The following SCGB2B2 variants were observed in gnomAD, a reference collection of about 807,000 sequenced individuals.
SCGB2B2 encodes the protein secretoglobin family 2B member 2, also known as secretoglobin-like protein.
Under a neutral mutation model 7.6 loss-of-function variants are expected in SCGB2B2, and 11 were observed. The ratio of observed to expected loss-of-function variants is 1.45; its 90% CI spans 0.91 to 2.40. The LOEUF (loss-of-function observed/expected upper bound fraction) is 2.40, where lower values mean the gene tolerates loss of function less well. Among genes scored for constraint, SCGB2B2 ranks in the 30% most tolerant of loss-of-function variants. The pLI is 0.00. For missense variants in SCGB2B2, 104 were observed against 115.4 expected (o/e 0.90, Z 0.45); for synonymous variants, 50 against 48.6 (o/e 1.03, Z -0.12).
intron 1 of SCGB2B2, among the ~76,000 whole-genome samples, chr19:34,674,593 C>T (rs2067877106): frequency 1.3e-5 from 2 of 152,082 alleles, no homozygotes; most frequent in African/African-American, 4.8e-5. Context: ...GAATGCAACA[C>T]AGAGATTGAA....
chr19:34,605,751 C>T (rs113122751), intron 1 of SCGB2B2, among the ~76,000 whole-genome samples: 12,949 of 152,018 alleles, frequency 0.085, 698 homozygotes, highest in East Asian at 0.28. Context: ...CCATGTCTGG[C>T]TAATTTTTTT....
At chr19:34,617,649 C>T (rs1385716122) in intron 1 of SCGB2B2, among the ~76,000 whole-genome samples, 6 of 152,184 alleles carry the variant, frequency 3.9e-5, no homozygotes, top group Admixed American at 2.0e-4. Context: ...AATTTGACTT[C>T]CTCTTTTCCT....
intron 1 of SCGB2B2, among the ~76,000 whole-genome samples, chr19:34,603,948 T>G (rs181453471): frequency 1.5e-3 from 226 of 152,148 alleles, no homozygotes; most frequent in African/African-American, 5.2e-3. Flanking sequence ...TACTCTTATT[T>G]TATATGGCTG....
At chr19:34,642,790 C>A (rs577853293) in intron 1 of SCGB2B2, among the ~76,000 whole-genome samples, 129 of 145,318 alleles carry the variant, frequency 8.9e-4, no homozygotes, top group Admixed American at 3.0e-3. Flanking sequence ...ATACAAATGA[C>A]CAACACGTAT....
At position 34,668,388 on chromosome 19, in the gene SCGB2B2, G is replaced by A. The variant is rs370909572; in HGVS notation, c.-2032+7242C>T. Among the ~76,000 whole-genome samples, 3 of 152,208 alleles carry A rather than the reference G, an allele frequency of 2.0e-5. No homozygotes were observed. In the East Asian group the frequency reaches 5.8e-4, roughly 29 times the overall value. ...CGCCGGGCCTTAGCTGCCTTCCGGC[G>A]GGGCAGGGCTCGGTACCTGCAGCCT... is the stretch of plus-strand genomic sequence containing the variant. On this transcript the variant is annotated intron_variant, in intron 1 of 3. Coordinates refer to ENST00000601241, the MANE Select transcript of SCGB2B2 (RefSeq NM_001025591.4).
chr19:34,588,647 C>T (rs894479806), downstream of SCGB2B2, among the ~76,000 whole-genome samples: 15 of 152,232 alleles, frequency 9.9e-5, no homozygotes, highest in African/African-American at 2.7e-4. Flanking sequence ...CTCCATCTCC[C>T]GCTCCAGTCC....
intron 1 of SCGB2B2, among the ~76,000 whole-genome samples, chr19:34,613,839 CT>C (rs1352974820): frequency 6.6e-6 from 1 of 152,116 alleles, no homozygotes; most frequent in Non-Finnish European, 1.5e-5. Context: ...CTTAGAGTTT[CT>C]TTTGTGGAAA....
chr19:34,607,182 G>A (rs1317317844), intron 1 of SCGB2B2, among the ~76,000 whole-genome samples: 1 of 152,168 alleles, frequency 6.6e-6, no homozygotes, highest in Non-Finnish European at 1.5e-5. Context: ...TAGGCATAAT[G>A]TCCTACAGGT....
At chr19:34,664,958 C>A (rs1202685645) in intron 1 of SCGB2B2, among the ~76,000 whole-genome samples, 1 of 152,154 alleles carries the variant, frequency 6.6e-6, no homozygotes, top group Non-Finnish European at 1.5e-5. Context: ...ATCCACTGAC[C>A]CCAGGGCACC....
chr19:34,662,075 T>C (rs1425762762), intron 1 of SCGB2B2, among the ~76,000 whole-genome samples: 2 of 152,152 alleles, frequency 1.3e-5, no homozygotes, highest in African/African-American at 4.8e-5. Context: ...GGAGAGGAGC[T>C]TTCACCATGT....
chr19:34,613,716 A>G (rs1024915263), intron 1 of SCGB2B2, among the ~76,000 whole-genome samples: 1 of 152,158 alleles, frequency 6.6e-6, no homozygotes, highest in Non-Finnish European at 1.5e-5. Context: ...TGCCCCACCC[A>G]TAAGTTTTAC....
chr19:34,588,195 A>G (rs929652899), downstream of SCGB2B2, among the ~76,000 whole-genome samples: 2 of 152,212 alleles, frequency 1.3e-5, no homozygotes, highest in East Asian at 1.9e-4. Flanking sequence ...TACAGATTCA[A>G]TTTGTCACTT....
chr19:34,640,051 G>A (rs1281353607), intron 1 of SCGB2B2, among the ~76,000 whole-genome samples: 1 of 152,086 alleles, frequency 6.6e-6, no homozygotes, highest in Admixed American at 6.5e-5. Flanking sequence ...TTCAGTAGAA[G>A]CCACCCTCCA....
intron 1 of SCGB2B2, among the ~76,000 whole-genome samples, chr19:34,609,215 T>C (rs965685618): frequency 1.3e-5 from 2 of 152,170 alleles, no homozygotes; most frequent in African/African-American, 4.8e-5. Flanking sequence ...TTGTATATTC[T>C]GGATATGAAT....
chr19:34,662,688 A>G lies in SCGB2B2; in HGVS notation c.-2032+12942T>C, dbSNP rs112182497. ...AAGGGCTCTTATCAAGAAAATATAA[A>G]GAACTCCTTTAGCACATTGGGAGGC... On this transcript the variant is annotated intron_variant, in intron 1 of 3. Transcript: ENST00000601241. Among the ~76,000 whole-genome samples the G allele has an allele frequency of 8.5e-3, 1,299 of 152,298 alleles. 20 individuals carry two copies. Among genetic ancestry groups the G allele is most frequent in the African/African-American group, 0.03 (1,242 of 41,550 alleles).
At chr19:34,637,100 A>C (rs1467891114) in intron 1 of SCGB2B2, among the ~76,000 whole-genome samples, 2 of 152,204 alleles carry the variant, frequency 1.3e-5, no homozygotes, top group East Asian at 3.9e-4. Context: ...TTGGTCCTGC[A>C]ATTCCCAGCA....
chr19:34,604,605 C>T (rs1477023573), intron 1 of SCGB2B2, among the ~76,000 whole-genome samples: 1 of 152,192 alleles, frequency 6.6e-6, no homozygotes, highest in Non-Finnish European at 1.5e-5. Flanking sequence ...TGAATCCTTA[C>T]TTTCTATAGA....
At position 34,595,764 on chromosome 19, in the gene SCGB2B2, T is replaced by A. The variant is rs1422684239; in HGVS notation, c.-1201A>T. 1 of 152,256 alleles carries A rather than the reference T, an allele frequency of 6.6e-6. No homozygotes were observed. The highest frequency in any genetic ancestry group is 2.4e-5 in the African/African-American group (1 of 41,448). 9.4% of individuals were successfully genotyped at this position (152,256 alleles called of 1,614,324 possible). ...TGTCACTCACGTGATTTTTGTCTCC[T>A]GACAGGACCCTAAATTGTAAGTGTG... On this transcript the variant is annotated 5_prime_UTR_variant, in exon 2 of 4. Coordinates refer to ENST00000601241, the MANE Select transcript of SCGB2B2 (RefSeq NM_001025591.4).
chr19:34,624,041 A>G (rs1484588500), intron 1 of SCGB2B2, among the ~76,000 whole-genome samples: 1 of 152,188 alleles, frequency 6.6e-6, no homozygotes, highest in Non-Finnish European at 1.5e-5. Context: ...GTTTTGGGAA[A>G]AGGGTCAATA....
Sources: gnomAD v4.1 joint callset for allele counts (sites outside exome capture counted in the v4.1 genomes callset) on GRCh38, gnomAD v4.1.1 for gene constraint, MANE v1.5 for transcripts, NCBI Gene and HGNC (gene_info 2026-07-23, HGNC 2026-07-21) for gene names.